Variants in ADCY9 observed in about 807,000 individuals in gnomAD.
ADCY9 encodes the protein adenylate cyclase 9.
ADCY9 carries 50 observed loss-of-function variants against 101.5 expected under a neutral mutation model. The ratio of observed to expected loss-of-function variants is 0.49; its 90% CI spans 0.39 to 0.62. The LOEUF is 0.62. Among genes scored for constraint, ADCY9 ranks in the 20% least tolerant of loss-of-function variants. ADCY9 has a pLI of 0.00. For missense variants in ADCY9, 1,662 were observed against 1,800.4 expected (o/e 0.92, Z 1.39); for synonymous variants, 905 against 769.3 (o/e 1.18, Z -2.92).
intron 2 of ADCY9, among the ~76,000 whole-genome samples, chr16:4,082,267 T>C (rs2056908084): frequency 6.6e-6 from 1 of 151,846 alleles, no homozygotes; most frequent in Non-Finnish European, 1.5e-5. Context: ...TATTCCCAGA[T>C]ACTCAAGAGG....
chr16:4,080,279 T>G (rs957184406), intron 2 of ADCY9, among the ~76,000 whole-genome samples: 2 of 152,224 alleles, frequency 1.3e-5, no homozygotes, highest in Non-Finnish European at 2.9e-5. Flanking sequence ...AGTCTTGCTC[T>G]GTTGCCCAGG....
intron 3 of ADCY9, among the ~76,000 whole-genome samples, chr16:4,001,056 G>A (rs145096569): frequency 4.6e-5 from 7 of 151,484 alleles, no homozygotes; most frequent in African/African-American, 1.2e-4. Flanking sequence ...CAGAGAGTGG[G>A]AAAGACAGTT....
At chr16:3,988,809 G>A (rs1330286690) in intron 6 of ADCY9, among the ~76,000 whole-genome samples, 185 bp downstream of exon 6, 2 of 152,210 alleles carry the variant, frequency 1.3e-5, no homozygotes, top group Non-Finnish European at 2.9e-5. Flanking sequence ...TAAAGAAAGG[G>A]TTTTTTTCCT....
In ADCY9 at chr16:4,114,198, C is replaced by T; in HGVS notation, c.1245G>A (p.Leu415=). 6.2e-7 allele frequency: 1 copy of T among 1,613,962 alleles called. No homozygotes were observed. Among genetic ancestry groups the T allele is most frequent in the Non-Finnish European group, 8.5e-7 (1 of 1,180,040 alleles). The change falls in exon 2 of 11, where the codon CTG becomes CTA. Residue 415 remains leucine, a synonymous_variant. Transcript: ENST00000294016. The surrounding 1 kb of genome is among the most constrained non-coding windows in gnomAD (Gnocchi z 4.3). ...KMSANKSAHA[L]VGLLNDLFGR... ...CGAACAGATCGTTCAGGAGACCCAC[C>T]AGGGCGTGGGCAGACTTGTTGGCAC... is the stretch of plus-strand genomic sequence containing the variant.
At chr16:4,092,204 A>G (rs1037268051) in intron 2 of ADCY9, among the ~76,000 whole-genome samples, 1 of 152,206 alleles carries the variant, frequency 6.6e-6, no homozygotes, top group African/African-American at 2.4e-5. Flanking sequence ...CAGGAAACGG[A>G]GGTTGCAGTG....
chr16:4,042,962 T>G (rs890147120), intron 2 of ADCY9, among the ~76,000 whole-genome samples: 3 of 152,248 alleles, frequency 2.0e-5, no homozygotes, highest in Non-Finnish European at 4.4e-5. Context: ...CCGGGCGCAG[T>G]GGCTCACGCC....
At chr16:4,017,720 T>C (rs2056447712) in intron 2 of ADCY9, among the ~76,000 whole-genome samples, 1 of 151,004 alleles carries the variant, frequency 6.6e-6, no homozygotes, top group African/African-American at 2.4e-5. Flanking sequence ...CCAAATAACC[T>C]TGAAGAACTA....
chr16:4,030,574 G>T (rs775270679), intron 2 of ADCY9, among the ~76,000 whole-genome samples: 8 of 152,014 alleles, frequency 5.3e-5, no homozygotes, highest in Admixed American at 2.0e-4. Context: ...ATGGTGGTGG[G>T]TGCCTGTAGT....
At chr16:4,064,432 T>C (rs2056789195) in intron 2 of ADCY9, among the ~76,000 whole-genome samples, 1 of 152,320 alleles carries the variant, frequency 6.6e-6, no homozygotes, top group African/African-American at 2.4e-5. Flanking sequence ...TATACTACTC[T>C]CTTCACTTTT....
chr16:4,096,330 T>C (rs1035207307), intron 2 of ADCY9, among the ~76,000 whole-genome samples: 1 of 152,220 alleles, frequency 6.6e-6, no homozygotes, highest in African/African-American at 2.4e-5. Flanking sequence ...ATTTTAAGCA[T>C]ATCTATCTCA....
At chr16:4,082,248 A>G (rs1419291816) in intron 2 of ADCY9, among the ~76,000 whole-genome samples, 3 of 152,096 alleles carry the variant, frequency 2.0e-5, no homozygotes, top group Non-Finnish European at 2.9e-5. Flanking sequence ...GCATGGTGGT[A>G]CACGACTGTA....
chr16:4,024,362 T>C (rs1284899160), intron 2 of ADCY9, among the ~76,000 whole-genome samples: 2 of 152,072 alleles, frequency 1.3e-5, no homozygotes, highest in Non-Finnish European at 2.9e-5. Context: ...GTTAATCATA[T>C]AGGAAAGTTA....
chr16:4,018,622 G>A (rs1027451460), intron 2 of ADCY9, among the ~76,000 whole-genome samples: 8 of 152,184 alleles, frequency 5.3e-5, no homozygotes, highest in African/African-American at 9.7e-5. Context: ...CTCCCAGATC[G>A]TATCTGCAGC....
intron 2 of ADCY9, among the ~76,000 whole-genome samples, chr16:4,093,599 A>T (rs1177893682): frequency 6.6e-6 from 1 of 152,140 alleles, no homozygotes; most frequent in Non-Finnish European, 1.5e-5. Flanking sequence ...TCTACAAAAA[A>T]TACAAAAATT....
chr16:4,097,198 CG>C (rs1413940605), intron 2 of ADCY9, among the ~76,000 whole-genome samples: 1 of 151,998 alleles, frequency 6.6e-6, no homozygotes, highest in Admixed American at 6.6e-5. Context: ...CGCAGCACCT[CG>C]GAGCCCACAG....
intron 2 of ADCY9, among the ~76,000 whole-genome samples, chr16:4,025,161 G>C (rs2056505729): frequency 6.6e-6 from 1 of 152,098 alleles, no homozygotes; most frequent in Non-Finnish European, 1.5e-5. Context: ...TCAGGAGTTT[G>C]AGACCAGCCT....
rs2055989104 is a variant in ADCY9 at position 3,965,963 on chromosome 16, A to G, written c.3874T>C (p.Ser1292Pro). 1.2e-6 allele frequency: 2 copies of G among 1,614,006 alleles called. No homozygotes were observed. The highest frequency in any genetic ancestry group is 2.7e-5 in the African/African-American group (2 of 74,888). ...VPSVQYVDKT[S>P]LGSDSSTQAK... ...TGCGTGCTGCTGTCAGAACCCAGAGATGTCTTGTCCACATACTGGACAGAA... is the reference window on the plus strand; with the variant it reads ...TGCGTGCTGCTGTCAGAACCCAGAGGTGTCTTGTCCACATACTGGACAGAA... Residue 1292 changes from serine to proline, a missense_variant, in exon 11 of 11, where the codon TCT (serine) becomes CCT (proline). Coordinates refer to ENST00000294016, the MANE Select transcript of ADCY9 (RefSeq NM_001116.4).
intron 10 of ADCY9, among the ~76,000 whole-genome samples, chr16:3,972,654 A>C (rs527519331): frequency 2.2e-4 from 33 of 152,258 alleles, no homozygotes; most frequent in Non-Finnish European, 4.6e-4. Context: ...ACTGAAAAAA[A>C]TAGAAAGCAA....
In ADCY9 at chr16:4,115,935, G is replaced by C. The variant is rs1414162533; in HGVS notation, c.-289C>G. ...CGGAGCCCTCCATCCTGCAGGAGCC[G>C]CGCTCCGATGCGTCAAAGGCGGCGC... On this transcript the variant is annotated 5_prime_UTR_variant, in exon 1 of 11. Transcript: ENST00000294016. This position sits in a 1 kb window ranked among gnomAD's most constrained non-coding sequence, Gnocchi z 6.2. The C allele has an allele frequency of 2.6e-6, 1 of 380,304 alleles. No homozygotes were observed. Among genetic ancestry groups the C allele is most frequent in the Non-Finnish European group, 4.6e-6 (1 of 215,620 alleles). 23.6% of individuals were successfully genotyped at this position (380,304 alleles called of 1,614,324 possible).
Sources: gnomAD v4.1 joint callset for allele counts (sites outside exome capture counted in the v4.1 genomes callset) on GRCh38, gnomAD v4.1.1 for gene constraint, Gnocchi (gnomAD v3.1) non-coding constraint, MANE v1.5 for transcripts, NCBI Gene and HGNC (gene_info 2026-07-23, HGNC 2026-07-21) for gene names.